Variants in MID1 observed in about 807,000 individuals in gnomAD.
MID1 encodes the protein midline 1.
A neutral mutation model predicts 40.4 loss-of-function variants in MID1; 7 were observed. The observed-to-expected ratio is 0.17, with a 90% CI of 0.10 to 0.33. MID1 has a LOEUF of 0.33. Ranked by LOEUF, MID1 falls within the 10% of genes least tolerant of loss-of-function variation. The pLI, the probability that MID1 is intolerant of heterozygous loss-of-function variation, is 1.00. For missense variants in MID1, 367 were observed against 558.5 expected (o/e 0.66, Z 3.46); for synonymous variants, 229 against 221.2 (o/e 1.04, Z -0.31).
At chrX:10,577,806 G>T (rs932466523) in intron 1 of MID1, among the ~76,000 whole-genome samples, 1 of 107,183 alleles carries the variant, frequency 9.3e-6, no homozygotes, top group Non-Finnish European at 1.9e-5. Flanking sequence ...AAAGGAGGAA[G>T]GGGAAGTAGT....
intron 1 of MID1, among the ~76,000 whole-genome samples, chrX:10,737,385 C>T (rs150368449): frequency 8.9e-6 from 1 of 112,741 alleles, no homozygotes; most frequent in African/African-American, 3.2e-5. Flanking sequence ...CTCAAATCTC[C>T]TTCCCTTTGG....
intron 1 of MID1, among the ~76,000 whole-genome samples, chrX:10,695,171 C>G (rs979073973): frequency 1.8e-5 from 2 of 111,883 alleles, no homozygotes; most frequent in Non-Finnish European, 3.8e-5. Context: ...CTTGCCCAGG[C>G]GGCAGTGCAG....
At chrX:10,679,682 GT>G (rs1314366088) in intron 1 of MID1, among the ~76,000 whole-genome samples, 1 of 110,525 alleles carries the variant, frequency 9.0e-6, no homozygotes, top group Non-Finnish European at 1.9e-5. Context: ...TGTGTAATGA[GT>G]TTTAGCATAA....
intron 1 of MID1, among the ~76,000 whole-genome samples, chrX:10,573,482 C>T (rs755191719): frequency 8.9e-6 from 1 of 112,068 alleles, no homozygotes; most frequent in Admixed American, 9.4e-5. Context: ...TCAAGAAGGG[C>T]ATCAAGCGAT....
At chrX:10,719,577 G>A (rs1214690361) in intron 1 of MID1, among the ~76,000 whole-genome samples, 6 of 112,057 alleles carry the variant, frequency 5.4e-5, no homozygotes, top group Non-Finnish European at 9.4e-5. Flanking sequence ...AACATTCCAT[G>A]CTCATGGGTA....
chrX:10,469,744 G>A lies in MID1; in HGVS notation c.1238C>T (p.Ser413Phe). 2.5e-6 allele frequency: 3 copies of A among 1,210,839 alleles called. No individual in the cohort carries two copies. The highest frequency in any genetic ancestry group is 2.2e-6 in the Non-Finnish European group (2 of 894,695). The change falls in exon 7 of 10, where the codon TCC (serine) becomes TTC (phenylalanine). Residue 413 changes from serine to phenylalanine, a missense_variant. By Grantham distance (155) the Ser-to-Phe change is radical. Around this residue, in one of 3 missense-constraint regions of MID1, gnomAD observed 275 missense variants for 383.1 expected, o/e 0.72. Transcript: ENST00000317552. The stretch of plus-strand genomic sequence containing the variant: ...GAATATGGTGTACTGGAGCTCGTAG[G>A]AGACCACGCTGAACTCATCATCGGA... ...WTSDDEFSVV[S>F]YELQYTIFTG...
At chrX:10,554,368 C>T (rs1001060338) in intron 2 of MID1, among the ~76,000 whole-genome samples, 3 of 111,905 alleles carry the variant, frequency 2.7e-5, no homozygotes, top group Non-Finnish European at 5.6e-5. Flanking sequence ...CATCTCAAAA[C>T]AACTTAAAGC....
At chrX:10,651,429 T>A (rs1936315265) in intron 1 of MID1, among the ~76,000 whole-genome samples, 1 of 112,092 alleles carries the variant, frequency 8.9e-6, no homozygotes, top group Non-Finnish European at 1.9e-5. Context: ...TGAGCTAAGG[T>A]GTTTCTTGCA....
intron 1 of MID1, among the ~76,000 whole-genome samples, chrX:10,584,267 C>G (rs766013919): frequency 2.7e-5 from 3 of 112,167 alleles, no homozygotes; most frequent in Admixed American, 9.4e-5. Context: ...GATTAAGTTT[C>G]CAACAAACGA....
chrX:10,654,513 C>A (rs1487577996), intron 1 of MID1, among the ~76,000 whole-genome samples: 1 of 111,726 alleles, frequency 9.0e-6, no homozygotes, highest in African/African-American at 3.3e-5. Flanking sequence ...AAGGAGTGGG[C>A]AACCTAGATC....
At chrX:10,730,563 T>A (rs918759011) in intron 1 of MID1, among the ~76,000 whole-genome samples, 6 of 93,599 alleles carry the variant, frequency 6.4e-5, no homozygotes, top group Admixed American at 1.1e-4. Flanking sequence ...ATCAGATACA[T>A]CTTTTTTTTT....
intron 1 of MID1, among the ~76,000 whole-genome samples, chrX:10,653,182 A>G (rs1325826824): frequency 8.9e-6 from 1 of 112,037 alleles, no homozygotes; most frequent in Non-Finnish European, 1.9e-5. Flanking sequence ...CCAGCTTCAT[A>G]CACTTCCCCG....
At chrX:10,800,020 A>G (rs1463788109) in intron 1 of MID1, among the ~76,000 whole-genome samples, 2 of 110,741 alleles carry the variant, frequency 1.8e-5, no homozygotes, top group African/African-American at 6.6e-5. Flanking sequence ...GCTGTGGTAG[A>G]TATCTCCAAG....
At chrX:10,809,305 T>C (rs138128267) in intron 1 of MID1, among the ~76,000 whole-genome samples, 3,554 of 111,393 alleles carry the variant, frequency 0.032, 161 homozygotes, top group African/African-American at 0.11. Flanking sequence ...TGTGGAGAAA[T>C]AGGAACACTT....
chrX:10,586,870 A>AT (rs919742187), intron 1 of MID1, among the ~76,000 whole-genome samples: 41 of 112,489 alleles, frequency 3.6e-4, no homozygotes, highest in Admixed American at 1.6e-3. Context: ...TTTCTGACAC[A>AT]TAGGGTGTAA....
chrX:10,592,655 G>A (rs962845316), intron 1 of MID1, among the ~76,000 whole-genome samples: 3 of 110,141 alleles, frequency 2.7e-5, no homozygotes, highest in African/African-American at 9.9e-5. Flanking sequence ...TATAGAGAGA[G>A]TAATAATTAA....
At chrX:10,631,699 C>A (rs975885645) in intron 1 of MID1, among the ~76,000 whole-genome samples, 2 of 111,765 alleles carry the variant, frequency 1.8e-5, no homozygotes, top group African/African-American at 6.5e-5. Context: ...GGTACGTAGC[C>A]CATATTCTTC....
At chrX:10,662,002 GCT>G (rs1038566868) in intron 1 of MID1, among the ~76,000 whole-genome samples, 6 of 111,463 alleles carry the variant, frequency 5.4e-5, no homozygotes, top group African/African-American at 2.0e-4. Flanking sequence ...TGCCTTTTTC[GCT>G]CTTTTTAAAA....
intron 1 of MID1, among the ~76,000 whole-genome samples, chrX:10,826,618 G>C (rs1241011815): frequency 8.9e-6 from 1 of 111,957 alleles, no homozygotes; most frequent in African/African-American, 3.2e-5. Flanking sequence ...CCAGCTCTCA[G>C]CTCAAGCAAT....
Sources: allele counts gnomAD v4.1 joint callset (sites outside exome capture counted in the v4.1 genomes callset), GRCh38; gene constraint gnomAD v4.1.1; regional missense constraint gnomAD v4.1.1; transcripts MANE v1.5; gene names NCBI Gene and HGNC (gene_info 2026-07-23, HGNC 2026-07-21).